Variants in PRUNE2 observed in about 807,000 individuals in gnomAD.
The protein encoded by PRUNE2 is protein prune homolog 2.
PRUNE2 carries 164 observed loss-of-function variants against 252.0 expected under a neutral mutation model. That is an observed-to-expected ratio of 0.65 (90% CI 0.57 to 0.74). The LOEUF (loss-of-function observed/expected upper bound fraction) is 0.74, where lower values mean the gene tolerates loss of function less well. Among genes scored for constraint, PRUNE2 ranks in the 30% least tolerant of loss-of-function variants. The probability of loss-of-function intolerance (pLI) is 0.00; values close to 1 mark genes in which losing one functional copy is unlikely to be tolerated. For missense variants in PRUNE2, 3,495 were observed against 3,711.0 expected, an observed-to-expected ratio of 0.94 and a Z score of 1.51; for synonymous variants, 1,292 against 1,350.2, an observed-to-expected ratio of 0.96 and a Z score of 0.94.
intron 6 of PRUNE2, among the ~76,000 whole-genome samples, chr9:76,816,414 T>C (rs564979252): frequency 1.3e-5 from 2 of 152,278 alleles, no homozygotes; most frequent in African/African-American, 4.8e-5. Context: ...GAACCACTCA[T>C]AGCTCAATAG....
At chr9:76,847,960 G>C (rs567539853) in intron 3 of PRUNE2, among the ~76,000 whole-genome samples, 40 of 152,064 alleles carry the variant, frequency 2.6e-4, no homozygotes, top group African/African-American at 7.7e-4. Context: ...CTTTGTATTT[G>C]CTGGTTTCAA....
At chr9:76,638,323 T>A in intron 12 of PRUNE2, 35 bp from the exon 13 acceptor site, 1 of 1,431,290 alleles carries the variant, frequency 7.0e-7, no homozygotes, top group Non-Finnish European at 9.8e-7. Flanking sequence ...TGTAACCAAT[T>A]GAAAGCTCTT....
At chr9:76,815,199 G>T (rs2057606153) in intron 6 of PRUNE2, among the ~76,000 whole-genome samples, 2 of 152,184 alleles carry the variant, frequency 1.3e-5, no homozygotes, top group African/African-American at 2.4e-5. Flanking sequence ...TTCAGGAGAG[G>T]AGGAAGATCC....
At position 76,711,008 on chromosome 9, in the gene PRUNE2, G is replaced by A. The variant is rs1464251563; in HGVS notation, c.1266C>T (p.Asp422=). ...CCAGTCCGCTGTCTGGGCTAACAAG[G>A]TCTACATTGGCATCCACCTGAGCCT... ...SNQAQVDANV[D]LVSPDSGLAT... is the part of the protein sequence containing the mutation. The change falls in exon 8 of 19, where the codon GAC becomes GAT. Residue 422 remains aspartate, a synonymous_variant. Transcript: ENST00000376718. The A allele has an allele frequency of 6.2e-7, 1 of 1,613,742 alleles. No individual in the cohort carries two copies. The highest frequency in any genetic ancestry group is 1.7e-5 in the Admixed American group (1 of 60,004).
In PRUNE2 at chr9:76,843,313, G is replaced by A. The variant is rs375463386; in HGVS notation, c.508+3202C>T. Among the ~76,000 whole-genome samples the A allele has an allele frequency of 2.6e-5, 4 of 152,200 alleles. No individual in the cohort carries two copies. In the East Asian group the frequency reaches 5.8e-4, roughly 22 times the overall value. On this transcript the variant is annotated intron_variant, in intron 4 of 18. Coordinates refer to ENST00000376718, the MANE Select transcript of PRUNE2 (RefSeq NM_015225.3). ...CACAGGGTGGGGAATATCACACACC[G>A]GGGCCTGTTGGGGATGGGGGCTAGG...
intron 9 of PRUNE2, among the ~76,000 whole-genome samples, chr9:76,658,538 C>G (rs1033363932): frequency 6.6e-6 from 1 of 152,236 alleles, no homozygotes; most frequent in Non-Finnish European, 1.5e-5. Context: ...AGTGGCCAAA[C>G]AGCAGTTGTT....
At chr9:76,733,793 T>A (rs1188611769) in intron 6 of PRUNE2, 1 of 152,184 alleles carries the variant, frequency 6.6e-6, no homozygotes, top group Non-Finnish European at 1.5e-5. Context: ...TAATTTGCCC[T>A]AATCTTCACA....
At chr9:76,773,299 C>T (rs7037399) in intron 6 of PRUNE2, among the ~76,000 whole-genome samples, 82,132 of 151,482 alleles carry the variant, frequency 0.54, 23,857 homozygotes, top group African/African-American at 0.76. Flanking sequence ...ATAGAAATTT[C>T]TGTAAACCCT....
intron 9 of PRUNE2, among the ~76,000 whole-genome samples, chr9:76,697,832 G>A (rs998698643): frequency 6.6e-6 from 1 of 152,168 alleles, no homozygotes; most frequent in Middle Eastern, 3.2e-3. Flanking sequence ...GAAATGGGGA[G>A]AGGAACACTT....
intron 6 of PRUNE2, among the ~76,000 whole-genome samples, chr9:76,793,703 A>G (rs568225098): frequency 6.6e-6 from 1 of 152,148 alleles, no homozygotes; most frequent in South Asian, 2.1e-4. Flanking sequence ...CACACATCTA[A>G]TTTTCAGCCC....
intron 4 of PRUNE2, among the ~76,000 whole-genome samples, chr9:76,838,407 G>T (rs1388039455): frequency 6.6e-6 from 1 of 151,904 alleles, no homozygotes; most frequent in Non-Finnish European, 1.5e-5. Flanking sequence ...CACTTTGGGG[G>T]GCCGAGGCAG....
intron 7 of PRUNE2, among the ~76,000 whole-genome samples, chr9:76,711,764 G>A (rs626416): frequency 6.6e-6 from 1 of 152,158 alleles, no homozygotes; most frequent in East Asian, 1.9e-4. Context: ...GAGACAGGCT[G>A]TTGTTTGGGA....
At chr9:76,748,640 T>C (rs914689163) in intron 6 of PRUNE2, 1 of 152,224 alleles carries the variant, frequency 6.6e-6, no homozygotes, top group African/African-American at 2.4e-5. Context: ...GGCACATAAA[T>C]GATATCTCCA....
intron 16 of PRUNE2, among the ~76,000 whole-genome samples, chr9:76,624,850 T>A (rs1248048833): frequency 6.6e-6 from 1 of 152,116 alleles, no homozygotes; most frequent in African/African-American, 2.4e-5. Context: ...TAGGTTTCAG[T>A]TGCAAATTAG....
chr9:76,879,894 TATATA>T (rs2061668444), intron 1 of PRUNE2, among the ~76,000 whole-genome samples: 1 of 90,548 alleles, frequency 1.1e-5, no homozygotes, highest in Non-Finnish European at 2.1e-5. Flanking sequence ...TATATATATA[TATATA>T]TATATTTTTT....
At chr9:76,783,222 C>T (rs1028952283) in intron 6 of PRUNE2, among the ~76,000 whole-genome samples, 3 of 152,194 alleles carry the variant, frequency 2.0e-5, no homozygotes, top group Admixed American at 1.3e-4. Context: ...CTGCAACCTC[C>T]GCCTCCCATG....
rs115103215 is a variant in PRUNE2 at position 76,888,223 on chromosome 9, G to C, written c.36+17705C>G. Among the ~76,000 whole-genome samples the C allele has an allele frequency of 8.4e-3, 1,276 of 152,262 alleles. 16 individuals carry two copies. The highest frequency in any genetic ancestry group is 0.029 in the African/African-American group (1,193 of 41,546). On this transcript the variant is annotated intron_variant, in intron 1 of 18. Coordinates refer to ENST00000376718, the MANE Select transcript of PRUNE2 (RefSeq NM_015225.3). ...TGGGGACAAGAAAGCAAACGCGAAG[G>C]CCATCCAGTCACAAGGACTTCTGGG...
At chr9:76,662,437 C>T (rs1056913452) in intron 9 of PRUNE2, among the ~76,000 whole-genome samples, 7 of 152,316 alleles carry the variant, frequency 4.6e-5, no homozygotes, top group South Asian at 2.1e-4. Flanking sequence ...GACATAAATG[C>T]ACCTTCTTGC....
rs760970388 is a variant in PRUNE2, at chr9:76,706,315, C to T, written c.5959G>A (p.Val1987Ile). Residue 1987 changes from valine (V) to isoleucine (I), a missense_variant, in exon 8 of 19, where the codon GTT becomes ATT. Physicochemically the swap from Val to Ile is conservative, Grantham distance 29. Transcript: ENST00000376718. ...GTTTCTTGACCTTCATTAGTTGAAA[C>T]ATTAGATGTAACACAACTATTTTCC... ...AEENSCVTSNVSTNEGQETNQ... is the reference protein window; with the variant it reads ...AEENSCVTSNISTNEGQETNQ... 6.2e-7 allele frequency: 1 copy of T among 1,613,924 alleles called. No homozygotes were observed. The highest frequency in any genetic ancestry group is 1.7e-5 in the Admixed American group (1 of 60,016).
Sources: allele counts gnomAD v4.1 joint callset (sites outside exome capture counted in the v4.1 genomes callset), GRCh38; gene constraint gnomAD v4.1.1; transcripts MANE v1.5; gene names NCBI Gene and HGNC (gene_info 2026-07-23, HGNC 2026-07-21).